WWOX: variants seen among roughly 807,000 people sequenced by gnomAD.
WWOX encodes the protein WW domain-containing oxidoreductase.
In WWOX, 69 loss-of-function variants were observed where a neutral mutation model predicts 46.2. The observed-to-expected ratio is 1.49, with a 90% CI of 1.23 to 1.82. WWOX has a LOEUF of 1.82. WWOX is among the 40% of genes most tolerant of loss of function. The pLI, the probability that WWOX is intolerant of heterozygous loss-of-function variation, is 0.00. For synonymous variants in WWOX, 359 were observed against 202.6 expected, an observed-to-expected ratio of 1.77 and a Z score of -6.56; for missense variants, 919 against 542.6, an observed-to-expected ratio of 1.69 and a Z score of -6.89.
chr16:78,413,696 G>T (rs555233663), intron 6 of WWOX, among the ~76,000 whole-genome samples: 146 of 152,050 alleles, frequency 9.6e-4, no homozygotes, highest in African/African-American at 3.4e-3. Flanking sequence ...GGGCTCAGAG[G>T]CCTGACACTG....
intron 8 of WWOX, among the ~76,000 whole-genome samples, chr16:79,084,884 A>G (rs1380987989): frequency 6.6e-6 from 1 of 152,208 alleles, no homozygotes; most frequent in East Asian, 1.9e-4. Context: ...TTTTACAGAC[A>G]CGGTCACCCT....
intron 8 of WWOX, among the ~76,000 whole-genome samples, chr16:79,089,146 C>G (rs1248093146): frequency 6.6e-6 from 1 of 152,158 alleles, no homozygotes. Context: ...ATGGTGGGCA[C>G]AGGGCCTAGC....
chr16:78,273,024 G>A (rs139920169), intron 5 of WWOX, among the ~76,000 whole-genome samples: 109 of 152,214 alleles, frequency 7.2e-4, no homozygotes, highest in African/African-American at 2.5e-3. Flanking sequence ...TTGTTTGTTT[G>A]TTTCTTCTTG....
At chr16:78,823,591 G>C (rs537627019) in intron 8 of WWOX, among the ~76,000 whole-genome samples, 4 of 152,158 alleles carry the variant, frequency 2.6e-5, no homozygotes, top group Non-Finnish European at 2.9e-5. Context: ...TTCATCTGAA[G>C]TTTAATGGAC....
chr16:78,313,432 T>C (rs2080288114), intron 5 of WWOX, among the ~76,000 whole-genome samples: 1 of 152,188 alleles, frequency 6.6e-6, no homozygotes, highest in Non-Finnish European at 1.5e-5. Flanking sequence ...AGTGGTACGA[T>C]CTTAGCTCAC....
In WWOX at chr16:78,352,611, G is replaced by A. The variant is rs1383970424; in HGVS notation, c.517-34249G>A. On this transcript the variant is annotated intron_variant, in intron 5 of 8. Coordinates refer to ENST00000566780, the MANE Select transcript of WWOX (RefSeq NM_016373.4). ...CAGGGAGTCTACCCTGATAATCTGGGATAATCTGCCTGTTTGAAGGTCAGC... is the reference window on the plus strand; with the variant it reads ...CAGGGAGTCTACCCTGATAATCTGGAATAATCTGCCTGTTTGAAGGTCAGC... 7.2e-5 allele frequency among the ~76,000 whole-genome samples: 11 copies of A among 152,220 alleles called. No homozygotes were observed. In the South Asian group the frequency reaches 2.3e-3, roughly 32 times the overall value.
chr16:78,618,665 A>G (rs1274427625), intron 8 of WWOX, among the ~76,000 whole-genome samples: 1 of 152,080 alleles, frequency 6.6e-6, no homozygotes, highest in East Asian at 1.9e-4. Context: ...TCTTCTCAAC[A>G]GGATCCATGT....
At chr16:79,188,103 C>T (rs1788212652) in intron 8 of WWOX, among the ~76,000 whole-genome samples, 1 of 152,126 alleles carries the variant, frequency 6.6e-6, no homozygotes, top group African/African-American at 2.4e-5. Flanking sequence ...AGTGTAGAGT[C>T]ACTTTGATTT....
At chr16:78,543,502 C>G (rs1292190159) in intron 8 of WWOX, among the ~76,000 whole-genome samples, 2 of 152,172 alleles carry the variant, frequency 1.3e-5, no homozygotes, top group African/African-American at 4.8e-5. Flanking sequence ...CAGCTTCCAC[C>G]CATGCACCTT....
At chr16:78,953,252 A>C (rs112325746) in intron 8 of WWOX, among the ~76,000 whole-genome samples, 275 of 148,302 alleles carry the variant, frequency 1.9e-3, no homozygotes, top group African/African-American at 6.2e-3. Flanking sequence ...TGGTCTATAT[A>C]GGATAATAGA....
chr16:78,605,735 G>T (rs748685390), intron 8 of WWOX, among the ~76,000 whole-genome samples: 8 of 152,160 alleles, frequency 5.3e-5, no homozygotes, highest in Non-Finnish European at 1.0e-4. Context: ...AAAATAGCCA[G>T]TTATCTTTGC....
intron 8 of WWOX, among the ~76,000 whole-genome samples, chr16:78,953,112 A>G (rs2046096070): frequency 6.6e-6 from 1 of 152,002 alleles, no homozygotes; most frequent in Non-Finnish European, 1.5e-5. Flanking sequence ...AAATTCAATC[A>G]TCAGTGACCA....
At chr16:78,534,219 A>T (rs145575671) in intron 8 of WWOX, among the ~76,000 whole-genome samples, 2,168 of 152,308 alleles carry the variant, frequency 0.014, 24 homozygotes, top group African/African-American at 0.027. Context: ...AGTCTTGTCA[A>T]ATACCAAACA....
At chr16:78,437,872 C>A (rs1387252381) in intron 8 of WWOX, among the ~76,000 whole-genome samples, 1 of 152,164 alleles carries the variant, frequency 6.6e-6, no homozygotes, top group African/African-American at 2.4e-5. Flanking sequence ...TTAAATTACT[C>A]TAAAATGTTT....
chr16:78,357,705 C>G (rs150888781), intron 5 of WWOX, among the ~76,000 whole-genome samples: 1 of 152,284 alleles, frequency 6.6e-6, no homozygotes, highest in Admixed American at 6.5e-5. Context: ...TTATTGATCA[C>G]TTCCACATGC....
chr16:78,328,582 A>T (rs556811346), intron 5 of WWOX, among the ~76,000 whole-genome samples: 1 of 152,330 alleles, frequency 6.6e-6, no homozygotes, highest in South Asian at 2.1e-4. Flanking sequence ...CCTGTATTCA[A>T]AGGAGAATAA....
chr16:78,909,748 A>G (rs1019336717), intron 8 of WWOX, among the ~76,000 whole-genome samples: 12 of 152,224 alleles, frequency 7.9e-5, no homozygotes, highest in African/African-American at 2.7e-4. Context: ...TAAATGGAAC[A>G]GGGAGGTTGT....
At chr16:78,355,755 C>A in intron 5 of WWOX, 1 of 709,872 alleles carries the variant, frequency 1.4e-6, no homozygotes, top group Non-Finnish European at 2.5e-6. Flanking sequence ...ACATATGAAT[C>A]AACAAAACAG....
intron 8 of WWOX, among the ~76,000 whole-genome samples, chr16:78,458,122 C>T (rs1233423066): frequency 2.0e-5 from 3 of 151,968 alleles, no homozygotes; most frequent in African/African-American, 7.3e-5. Flanking sequence ...TTCGTATCCC[C>T]TTGTTTCTAG....
Sources: gnomAD v4.1 joint callset for allele counts (sites outside exome capture counted in the v4.1 genomes callset) on GRCh38, gnomAD v4.1.1 for gene constraint, MANE v1.5 for transcripts, NCBI Gene and HGNC (gene_info 2026-07-23, HGNC 2026-07-21) for gene names.